Variants in SOCS5 observed in about 807,000 individuals in gnomAD.
SOCS5 encodes the protein CIS-6.
SOCS5 carries 32 observed loss-of-function variants against 42.8 expected under a neutral mutation model. The observed-to-expected ratio is 0.75, with a 90% confidence interval of 0.56 to 1.01. The LOEUF (loss-of-function observed/expected upper bound fraction) is 1.01. SOCS5 is among the 50% of genes least tolerant of loss of function. The pLI, the probability that SOCS5 is intolerant of heterozygous loss-of-function variation, is 0.00. For synonymous variants in SOCS5, 283 were observed against 229.6 expected (o/e 1.23, Z -2.10); for missense variants, 627 against 653.0 (o/e 0.96, Z 0.43).
At chr2:46,704,494 G>A (rs991143756) in intron 1 of SOCS5, among the ~76,000 whole-genome samples, 9 of 152,186 alleles carry the variant, frequency 5.9e-5, no homozygotes, top group Non-Finnish European at 1.3e-4. Context: ...GTAGAGAAAA[G>A]TGTTGAGGTA....
intron 1 of SOCS5, among the ~76,000 whole-genome samples, chr2:46,746,996 G>T (rs926792898): frequency 3.7e-5 from 5 of 136,860 alleles, no homozygotes; most frequent in African/African-American, 1.4e-4. Flanking sequence ...CTGGCCATCA[G>T]TGATTACATA....
At chr2:46,704,084 C>T (rs911917122) in intron 1 of SOCS5, among the ~76,000 whole-genome samples, 12 of 152,154 alleles carry the variant, frequency 7.9e-5, no homozygotes, top group African/African-American at 2.7e-4. Flanking sequence ...TGCTGCTTAA[C>T]ACCAAAATTA....
At chr2:46,739,882 A>T (rs766479032) in intron 1 of SOCS5, among the ~76,000 whole-genome samples, 1 of 152,176 alleles carries the variant, frequency 6.6e-6, no homozygotes, top group African/African-American at 2.4e-5. Context: ...TAAGATATTT[A>T]TTCTGCTCTA....
At position 46,758,675 on chromosome 2, in the gene SOCS5, G is replaced by A. The variant is rs1673782336; in HGVS notation, c.145G>A (p.Asp49Asn). 1.2e-6 allele frequency: 2 copies of A among 1,614,158 alleles called. No homozygotes were observed. The highest frequency in any genetic ancestry group is 4.5e-5 in the East Asian group (2 of 44,874). ...CAAAGAGAAAAACATCAGCATAGGA[G>A]ACTCAACTCCTCAGCAACAAAGCAG... ...SVKEKNISIG[D>N]STPQQQSSPL... The change falls in exon 2 of 2, where the codon GAC (aspartate) becomes AAC (asparagine). Residue 49 changes from aspartate (D) to asparagine (N), a missense_variant. By Grantham distance (23) the Asp-to-Asn change is conservative (BLOSUM62 1). Transcript: ENST00000394861.
At chr2:46,738,212 A>G (rs1234185471) in intron 1 of SOCS5, among the ~76,000 whole-genome samples, 1 of 152,138 alleles carries the variant, frequency 6.6e-6, no homozygotes, top group Non-Finnish European at 1.5e-5. Flanking sequence ...AAACTGTTGA[A>G]TGTTCCTAAA....
intron 1 of SOCS5, among the ~76,000 whole-genome samples, chr2:46,708,326 T>A (rs996257518): frequency 5.9e-5 from 9 of 152,148 alleles, no homozygotes; most frequent in Non-Finnish European, 1.0e-4. Flanking sequence ...GGCTTGGCAA[T>A]AGAATAATAT....
chr2:46,719,750 A>G (rs1672838244), intron 1 of SOCS5, among the ~76,000 whole-genome samples: 1 of 152,154 alleles, frequency 6.6e-6, no homozygotes, highest in Non-Finnish European at 1.5e-5. Context: ...TAAAAGTCAA[A>G]GCATTGTTGT....
chr2:46,760,183 T>C lies in SOCS5; in HGVS notation c.*42T>C. ...AGGTTGTTAACTAGGTCCGCTTTCATGTGCATCAGACAGTACACCTATAGC... is the reference window on the plus strand; with the variant it reads ...AGGTTGTTAACTAGGTCCGCTTTCACGTGCATCAGACAGTACACCTATAGC... On this transcript the variant is annotated 3_prime_UTR_variant, in exon 2 of 2. Coordinates refer to ENST00000394861, the MANE Select transcript of SOCS5 (RefSeq NM_144949.3). 2.1e-6 allele frequency: 3 copies of C among 1,456,778 alleles called. No homozygotes were observed. The highest frequency in any genetic ancestry group is 2.8e-6 in the Non-Finnish European group (3 of 1,052,768). 90.2% of individuals were successfully genotyped at this position (1,456,778 alleles called of 1,614,324 possible). A position where few individuals can be genotyped will look rare whatever the true frequency, so the allele number is the denominator to read the frequency against.
chr2:46,729,555 G>A (rs1421034762), intron 1 of SOCS5, among the ~76,000 whole-genome samples: 2 of 152,162 alleles, frequency 1.3e-5, no homozygotes, highest in Non-Finnish European at 2.9e-5. Flanking sequence ...AAGTATTTAT[G>A]TATCTAAACA....
chr2:46,742,966 T>C (rs1046888448), intron 1 of SOCS5, among the ~76,000 whole-genome samples: 13 of 152,160 alleles, frequency 8.5e-5, no homozygotes, highest in African/African-American at 2.9e-4. Context: ...GCCTGGCCTG[T>C]TTACTACTTT....
chr2:46,725,788 C>T (rs1672978255), intron 1 of SOCS5, among the ~76,000 whole-genome samples: 1 of 152,084 alleles, frequency 6.6e-6, no homozygotes, highest in Non-Finnish European at 1.5e-5. Flanking sequence ...TTTAGTAACT[C>T]CTTCAGAGTG....
At chr2:46,751,250 T>C (rs1177610610) in intron 1 of SOCS5, among the ~76,000 whole-genome samples, 5 of 152,148 alleles carry the variant, frequency 3.3e-5, no homozygotes, top group Non-Finnish European at 7.4e-5. Flanking sequence ...GTCAAGATTA[T>C]TACTCTTTTT....
rs1366981382 is a variant in SOCS5, at chr2:46,760,771, G to A, written c.*630G>A. On this transcript the variant is annotated 3_prime_UTR_variant, in exon 2 of 2. Coordinates refer to ENST00000394861, the MANE Select transcript of SOCS5 (RefSeq NM_144949.3). ...CTAAATAGGCATTCTTAAAATTTCAGACTTACAAAGCTAGTAGTAGAATTT... is the reference window on the plus strand; with the variant it reads ...CTAAATAGGCATTCTTAAAATTTCAAACTTACAAAGCTAGTAGTAGAATTT... The A allele has an allele frequency of 7.2e-5, 12 of 167,062 alleles. No homozygotes were observed. In the Admixed American group the frequency reaches 7.9e-4, roughly 11 times the overall value. 10.3% of individuals were successfully genotyped at this position (167,062 alleles called of 1,614,324 possible).
intron 1 of SOCS5, among the ~76,000 whole-genome samples, chr2:46,717,039 C>G (rs764605551): frequency 8.5e-5 from 13 of 152,086 alleles, no homozygotes; most frequent in Non-Finnish European, 1.6e-4. Flanking sequence ...TTTTCTTGGA[C>G]GTTTTTCTTT....
intron 1 of SOCS5, among the ~76,000 whole-genome samples, chr2:46,701,564 C>T (rs552458887): frequency 2.4e-4 from 37 of 152,132 alleles, no homozygotes; most frequent in African/African-American, 7.9e-4. Flanking sequence ...AAAGCATTCT[C>T]GTGCCAACTG....
chr2:46,706,713 GA>G (rs1672471714), intron 1 of SOCS5, among the ~76,000 whole-genome samples: 1 of 152,162 alleles, frequency 6.6e-6, no homozygotes, highest in Non-Finnish European at 1.5e-5. Context: ...GTAGTAATGT[GA>G]AAAACATTAG....
At chr2:46,717,959 C>G (rs1417958370) in intron 1 of SOCS5, among the ~76,000 whole-genome samples, 1 of 152,192 alleles carries the variant, frequency 6.6e-6, no homozygotes, top group Non-Finnish European at 1.5e-5. Context: ...GGCAAAGATT[C>G]CGGAGATCTC....
chr2:46,732,515 T>A (rs1269849636), intron 1 of SOCS5, among the ~76,000 whole-genome samples: 2 of 152,230 alleles, frequency 1.3e-5, no homozygotes, highest in Non-Finnish European at 2.9e-5. Context: ...ACACTGTTAA[T>A]GAAACTTAGT....
chr2:46,748,228 C>T (rs1336715524), intron 1 of SOCS5, among the ~76,000 whole-genome samples: 1 of 150,834 alleles, frequency 6.6e-6, no homozygotes, highest in Non-Finnish European at 1.5e-5. Flanking sequence ...CTCTGTCACC[C>T]AGGCTGGAGT....
Sources: gnomAD v4.1 joint callset for allele counts (sites outside exome capture counted in the v4.1 genomes callset) on GRCh38, gnomAD v4.1.1 for gene constraint, MANE v1.5 for transcripts, NCBI Gene and HGNC (gene_info 2026-07-23, HGNC 2026-07-21) for gene names.